Variants in KAZN observed in about 807,000 individuals in gnomAD.
The protein encoded by KAZN is kazrin.
Under a neutral mutation model 87.4 loss-of-function variants are expected in KAZN, and 40 were observed. The ratio of observed to expected loss-of-function variants is 0.46; its 90% confidence interval spans 0.36 to 0.60. The LOEUF is 0.60. KAZN is among the 20% of genes least tolerant of loss of function. KAZN has a pLI of 0.00. For synonymous variants in KAZN, 466 were observed against 458.3 expected (o/e 1.02, Z -0.22); for missense variants, 898 against 1,073.9 (o/e 0.84, Z 2.29).
chr1:14,826,620 T>A (rs1253575126), intron 1 of KAZN, among the ~76,000 whole-genome samples: 2 of 152,152 alleles, frequency 1.3e-5, no homozygotes. Flanking sequence ...ATGTCAGTGG[T>A]TCTGTCGGTT....
intron 2 of KAZN, among the ~76,000 whole-genome samples, chr1:14,553,784 G>A (rs1673695174): frequency 6.6e-6 from 1 of 152,148 alleles, no homozygotes; most frequent in African/African-American, 2.4e-5. Flanking sequence ...AGGCGCCAGG[G>A]CAGCAACTGA....
intron 2 of KAZN, among the ~76,000 whole-genome samples, chr1:14,255,247 G>A (rs1005134242): frequency 6.6e-6 from 1 of 151,952 alleles, no homozygotes; most frequent in Non-Finnish European, 1.5e-5. Flanking sequence ...CAGATCTCAT[G>A]AAAACTCACT....
chr1:14,469,036 C>T (rs1463666825), intron 2 of KAZN, among the ~76,000 whole-genome samples: 1 of 152,120 alleles, frequency 6.6e-6, no homozygotes, highest in Non-Finnish European at 1.5e-5. Flanking sequence ...AGGCTGACAA[C>T]CAATGTTGAA....
chr1:15,011,093 AG>A (rs1669529293), intron 2 of KAZN, among the ~76,000 whole-genome samples: 1 of 152,226 alleles, frequency 6.6e-6, no homozygotes, highest in Non-Finnish European at 1.5e-5. Context: ...AAGAAAATGT[AG>A]ATATTAACGT....
chr1:14,767,846 A>G (rs911970547), intron 1 of KAZN, among the ~76,000 whole-genome samples: 14 of 152,216 alleles, frequency 9.2e-5, no homozygotes, highest in African/African-American at 3.1e-4. Flanking sequence ...ACCTGAAAAG[A>G]GGACCTTGAG....
At chr1:14,674,672 A>G (rs1640110944) in intron 1 of KAZN, among the ~76,000 whole-genome samples, 1 of 152,256 alleles carries the variant, frequency 6.6e-6, no homozygotes, top group Non-Finnish European at 1.5e-5. Flanking sequence ...TTTCTTTGGC[A>G]GTGTAACTGG....
At chr1:13,966,960 T>A (rs942260977) in intron 1 of KAZN, among the ~76,000 whole-genome samples, 2 of 152,164 alleles carry the variant, frequency 1.3e-5, no homozygotes, top group African/African-American at 4.8e-5. Context: ...ACAATGTATG[T>A]CTTAAATCAC....
intron 2 of KAZN, among the ~76,000 whole-genome samples, chr1:14,995,782 T>G (rs1667804181): frequency 6.6e-6 from 1 of 152,172 alleles, no homozygotes; most frequent in African/African-American, 2.4e-5. Flanking sequence ...CCAGCCCAGG[T>G]GCCTTTGGGT....
chr1:15,112,925 C>T, intron 14 of KAZN: 1 of 176,432 alleles, frequency 5.7e-6, no homozygotes, highest in Non-Finnish European at 1.2e-5. Flanking sequence ...CCGGCGCAGC[C>T]CCAAACTCTG....
intron 1 of KAZN, among the ~76,000 whole-genome samples, chr1:14,783,222 G>A (rs1264235011): frequency 6.6e-6 from 1 of 152,126 alleles, no homozygotes; most frequent in Non-Finnish European, 1.5e-5. Flanking sequence ...CCTAATACCT[G>A]TCTGGGGAGA....
At chr1:14,213,678 G>T (rs1646901180) in intron 2 of KAZN, among the ~76,000 whole-genome samples, 1 of 152,116 alleles carries the variant, frequency 6.6e-6, no homozygotes, top group Non-Finnish European at 1.5e-5. Flanking sequence ...ACCAGTAGAG[G>T]GTTTGAAGCC....
intron 1 of KAZN, among the ~76,000 whole-genome samples, chr1:13,993,999 T>C (rs980032037): frequency 6.6e-6 from 1 of 152,238 alleles, no homozygotes; most frequent in African/African-American, 2.4e-5. Flanking sequence ...TTCAAATCCA[T>C]CTGGAATGAA....
chr1:14,466,641 C>A (rs1349398782), intron 2 of KAZN, among the ~76,000 whole-genome samples: 1 of 146,946 alleles, frequency 6.8e-6, no homozygotes, highest in Non-Finnish European at 1.5e-5. Flanking sequence ...CACATGTACC[C>A]CAAACTTAAA....
chr1:13,977,234 C>T lies in KAZN; in HGVS notation c.91+83478C>T, dbSNP rs531355557. Among the ~76,000 whole-genome samples the T allele has an allele frequency of 4.6e-5, 7 of 152,272 alleles. No homozygotes were observed. In the East Asian group the frequency reaches 1.3e-3, roughly 29 times the overall value. Reference sequence around the variant, plus strand: ...CCGTCTGATGCCACTGGTGAGGTATCACAGGTACATTGGAAAGAACATGAA... The same window carrying T: ...CCGTCTGATGCCACTGGTGAGGTATTACAGGTACATTGGAAAGAACATGAA... On this transcript the variant is annotated intron_variant, in intron 1 of 16. Transcript: ENST00000636203.
rs897021143 is a variant in KAZN, at chr1:15,103,370, G to A, written c.1791G>A (p.Glu597=). The change falls in exon 12 of 15, where the codon GAG becomes GAA. Residue 597 remains glutamate (E), a synonymous_variant. Transcript: ENST00000376030. ...TGTCTCCCCACAAGGCCCTCCAGGA[G>A]CGCCGGGCCCGCTGCGAGACGCAGA... ...QVNFSREALQ[E]RRARCETQNI... is the part of the protein sequence containing the mutation. 2 of 1,551,500 alleles carry A rather than the reference G, an allele frequency of 1.3e-6. No individual in the cohort carries two copies. The highest frequency in any genetic ancestry group is 1.7e-6 in the Non-Finnish European group (2 of 1,146,954).
At chr1:14,967,767 A>G (rs1321393333) in intron 2 of KAZN, among the ~76,000 whole-genome samples, 1 of 152,250 alleles carries the variant, frequency 6.6e-6, no homozygotes, top group Non-Finnish European at 1.5e-5. Flanking sequence ...AAGCTGGGAA[A>G]GACAAGGAAA....
intron 2 of KAZN, among the ~76,000 whole-genome samples, chr1:15,010,280 G>A (rs567070968): frequency 6.6e-6 from 1 of 151,872 alleles, no homozygotes; most frequent in Non-Finnish European, 1.5e-5. Context: ...TCATCTAAAG[G>A]CTTGATCAGA....
At chr1:14,200,198 G>A (rs1354327421) in intron 2 of KAZN, among the ~76,000 whole-genome samples, 1 of 151,956 alleles carries the variant, frequency 6.6e-6, no homozygotes, top group Non-Finnish European at 1.5e-5. Context: ...CTCATCCCTA[G>A]AGTAAAATAC....
At chr1:14,175,684 A>G (rs1646058147) in intron 1 of KAZN, among the ~76,000 whole-genome samples, 1 of 152,236 alleles carries the variant, frequency 6.6e-6, no homozygotes, top group South Asian at 2.1e-4. Context: ...GTGAAAAGCA[A>G]GGACAGTAAC....
Sources: gnomAD v4.1 joint callset for allele counts (sites outside exome capture counted in the v4.1 genomes callset) on GRCh38, gnomAD v4.1.1 for gene constraint, MANE v1.5 for transcripts, NCBI Gene and HGNC (gene_info 2026-07-23, HGNC 2026-07-21) for gene names.